PACS1: variants seen among roughly 807,000 people sequenced by gnomAD.
The protein encoded by PACS1 is PACS-1.
A neutral mutation model predicts 115.0 loss-of-function variants in PACS1; 24 were observed. The ratio of observed to expected loss-of-function variants is 0.21; its 90% CI spans 0.15 to 0.29. The LOEUF (loss-of-function observed/expected upper bound fraction) is 0.29. Ranked by LOEUF, PACS1 falls within the 10% of genes least tolerant of loss-of-function variation. The pLI is 1.00. For missense variants in PACS1, 838 were observed against 1,251.2 expected, an observed-to-expected ratio of 0.67 and a Z score of 4.98; for synonymous variants, 453 against 504.5, an observed-to-expected ratio of 0.90 and a Z score of 1.37.
intron 2 of PACS1, among the ~76,000 whole-genome samples, chr11:66,198,169 C>T (rs949379799): frequency 6.6e-6 from 1 of 152,378 alleles, no homozygotes; most frequent in African/African-American, 2.4e-5. Context: ...CTCGCCTTGA[C>T]CTCCCAGTGC....
chr11:66,112,823 G>T (rs1428490085), intron 1 of PACS1, among the ~76,000 whole-genome samples: 2 of 152,180 alleles, frequency 1.3e-5, no homozygotes, highest in African/African-American at 4.8e-5. Flanking sequence ...AAGCTGGAAA[G>T]AACCCAAATG....
intron 1 of PACS1, among the ~76,000 whole-genome samples, chr11:66,098,190 A>C (rs1294506719): frequency 6.6e-6 from 1 of 151,992 alleles, no homozygotes; most frequent in Non-Finnish European, 1.5e-5. Context: ...AATAATAAAA[A>C]TAATAAGAGT....
chr11:66,221,240 C>G lies in PACS1; in HGVS notation c.1286C>G (p.Thr429Ser), dbSNP rs760985201. The G allele has an allele frequency of 1.3e-5, 21 of 1,614,036 alleles. No individual in the cohort carries two copies. Among genetic ancestry groups the G allele is most frequent in the Admixed American group, 5.0e-5 (3 of 60,006 alleles). ...AAAGGCAGCCTCGGAAAAGACACCACCAGCCCTGTGAGCGCAACCGCGACT... is the reference window on the plus strand; with the variant it reads ...AAAGGCAGCCTCGGAAAAGACACCAGCAGCCCTGTGAGCGCAACCGCGACT... ...NSKGSLGKDT[T>S]SPMELAALEK... Residue 429 changes from threonine to serine, a missense_variant, in exon 10 of 24, where the codon ACC (threonine) becomes AGC (serine). This residue lies in a region of PACS1 where 383 missense variants were observed against 537.0 expected (regional missense o/e 0.71). Coordinates refer to ENST00000320580, the MANE Select transcript of PACS1 (RefSeq NM_018026.4).
intron 1 of PACS1, among the ~76,000 whole-genome samples, chr11:66,159,796 A>C (rs528853335): frequency 9.2e-5 from 14 of 152,328 alleles, no homozygotes; most frequent in African/African-American, 3.1e-4. Flanking sequence ...GAAATTAACC[A>C]CAGGACCTAA....
At chr11:66,240,791 T>TTTTTTTTTTTTTTTTTTTTG (rs1565160581) in intron 21 of PACS1, among the ~76,000 whole-genome samples, 2 of 151,934 alleles carry the variant, frequency 1.3e-5, no homozygotes, top group African/African-American at 4.9e-5. Flanking sequence ...TCTTGTTTTT[T>TTTTTTTTTTTTTTTTTTTTG]AATGGAACCT....
intron 1 of PACS1, among the ~76,000 whole-genome samples, chr11:66,161,067 A>T (rs1859477733): frequency 6.6e-6 from 1 of 152,148 alleles, no homozygotes; most frequent in African/African-American, 2.4e-5. Context: ...ATGCTAATAT[A>T]TGTAGAGCAT....
At chr11:66,222,965 C>T (rs1293055491) in intron 10 of PACS1, among the ~76,000 whole-genome samples, 1 of 149,634 alleles carries the variant, frequency 6.7e-6, no homozygotes, top group African/African-American at 2.4e-5. Flanking sequence ...CTGGGAGAAA[C>T]CCCAGCCCTG....
chr11:66,243,337 G>C lies in PACS1; in HGVS notation c.*57G>C. Reference sequence around the variant, plus strand: ...CACTGCCACCAGCCTCACCGCCTGCGGGCAGGGGGAGGCCAGCAGGCCCGG... The same window carrying C: ...CACTGCCACCAGCCTCACCGCCTGCCGGCAGGGGGAGGCCAGCAGGCCCGG... On this transcript the variant is annotated 3_prime_UTR_variant, in exon 24 of 24. Transcript: ENST00000320580. 3 of 1,265,322 alleles carry C rather than the reference G, an allele frequency of 2.4e-6. No individual in the cohort carries two copies. Among genetic ancestry groups the C allele is most frequent in the Non-Finnish European group, 3.3e-6 (3 of 896,714 alleles). 78.4% of individuals were successfully genotyped at this position (1,265,322 alleles called of 1,614,324 possible).
At chr11:66,092,925 A>G (rs1312022584) in intron 1 of PACS1, among the ~76,000 whole-genome samples, 1 of 152,178 alleles carries the variant, frequency 6.6e-6, no homozygotes, top group East Asian at 1.9e-4. Context: ...GTAGCCTTAT[A>G]GTATAGTTTG....
intron 2 of PACS1, among the ~76,000 whole-genome samples, chr11:66,196,213 G>A (rs1854646302): frequency 6.6e-6 from 1 of 152,248 alleles, no homozygotes; most frequent in African/African-American, 2.4e-5. Context: ...GACAGAGCAA[G>A]ACTCCGACCC....
At chr11:66,084,455 G>C (rs1048179872) in intron 1 of PACS1, among the ~76,000 whole-genome samples, 20 of 152,126 alleles carry the variant, frequency 1.3e-4, no homozygotes, top group African/African-American at 4.3e-4. Context: ...TTGAGCCAGC[G>C]AGGAGGCATG....
In PACS1 at chr11:66,070,660, G is replaced by C; in HGVS notation, c.174G>C (p.Ser58=). The C allele has an allele frequency of 6.4e-7, 1 of 1,568,448 alleles. No individual in the cohort carries two copies. The highest frequency in any genetic ancestry group is 8.6e-7 in the Non-Finnish European group (1 of 1,164,030). Residue 58 remains serine (S), a synonymous_variant, in exon 1 of 24, where the codon TCG becomes TCC. Transcript: ENST00000320580. The surrounding 1 kb of genome is among the most constrained non-coding windows in gnomAD (Gnocchi z 5.9). The part of the protein sequence containing the change: ...PKLAQATSSS[S]STSAAAASSS... ...TGGCCCAGGCCACCTCGTCGTCCTC[G>C]TCCACCTCGGCGGCGGCTGCCTCCT...
intron 1 of PACS1, among the ~76,000 whole-genome samples, chr11:66,098,193 A>T (rs1478409646): frequency 6.6e-6 from 1 of 151,990 alleles, no homozygotes; most frequent in African/African-American, 2.4e-5. Flanking sequence ...AATAAAAATA[A>T]TAAGAGTAAG....
intron 1 of PACS1, among the ~76,000 whole-genome samples, chr11:66,152,703 A>G (rs940883002): frequency 6.6e-6 from 1 of 152,202 alleles, no homozygotes; most frequent in East Asian, 1.9e-4. Flanking sequence ...TTGTTACAAC[A>G]TCAGCACATT....
intron 1 of PACS1, among the ~76,000 whole-genome samples, chr11:66,183,804 C>G (rs1212214526): frequency 6.6e-6 from 1 of 152,156 alleles, no homozygotes. Context: ...CGTATTTATA[C>G]CCACTCTTAA....
chr11:66,142,208 G>C (rs1236620638), intron 1 of PACS1, among the ~76,000 whole-genome samples: 1 of 152,130 alleles, frequency 6.6e-6, no homozygotes, highest in Non-Finnish European at 1.5e-5. Flanking sequence ...ACATTGTTCT[G>C]TACCAATGTG....
intron 1 of PACS1, among the ~76,000 whole-genome samples, chr11:66,145,902 A>G (rs1191181188): frequency 6.6e-6 from 1 of 152,226 alleles, no homozygotes; most frequent in Non-Finnish European, 1.5e-5. Flanking sequence ...TGGAAAAAAG[A>G]AGAAAAGAAA....
intron 11 of PACS1, 63 bp downstream of exon 11, chr11:66,227,647 C>T (rs774045266): frequency 1.2e-4 from 129 of 1,038,298 alleles, no homozygotes; most frequent in East Asian, 3.0e-4. Context: ...TTAGAAATAA[C>T]GGCAGAAGGA....
intron 1 of PACS1, among the ~76,000 whole-genome samples, chr11:66,088,194 A>T (rs1476066682): frequency 1.3e-5 from 2 of 151,492 alleles, no homozygotes; most frequent in Non-Finnish European, 2.9e-5. Flanking sequence ...ATTTATTTTT[A>T]TGACGATATC....
Sources: gnomAD v4.1 joint callset for allele counts (sites outside exome capture counted in the v4.1 genomes callset) on GRCh38, gnomAD v4.1.1 for gene constraint, gnomAD v4.1.1 regional missense constraint, Gnocchi (gnomAD v3.1) non-coding constraint, MANE v1.5 for transcripts, NCBI Gene and HGNC (gene_info 2026-07-23, HGNC 2026-07-21) for gene names.